The following FGGY variants were observed in gnomAD, a reference collection of about 807,000 sequenced individuals.
FGGY encodes the protein FGGY carbohydrate kinase domain-containing protein.
FGGY carries 72 observed loss-of-function variants against 71.3 expected under a neutral mutation model. That is an observed-to-expected ratio of 1.01 (90% CI 0.84 to 1.23). FGGY has a LOEUF of 1.23. FGGY is among the 50% of genes most tolerant of loss of function. The pLI, the probability that FGGY is intolerant of heterozygous loss-of-function variation, is 0.00. For synonymous variants in FGGY, 251 were observed against 250.3 expected (o/e 1.00, Z -0.02); for missense variants, 668 against 682.3 (o/e 0.98, Z 0.23).
intron 5 of FGGY, among the ~76,000 whole-genome samples, chr1:59,420,283 G>A (rs1310618083): frequency 5.3e-5 from 8 of 152,200 alleles, no homozygotes; most frequent in Non-Finnish European, 1.2e-4. Flanking sequence ...CTGGATCAAT[G>A]TCCAGAGGGA....
intron 5 of FGGY, among the ~76,000 whole-genome samples, chr1:59,385,144 T>G (rs746830869): frequency 2.2e-4 from 34 of 152,028 alleles, no homozygotes; most frequent in Non-Finnish European, 3.7e-4. Context: ...CTCCTCCCCT[T>G]TCTCTCTTCC....
intron 5 of FGGY, among the ~76,000 whole-genome samples, chr1:59,455,857 T>A (rs1051399206): frequency 1.3e-5 from 2 of 152,148 alleles, no homozygotes; most frequent in Non-Finnish European, 2.9e-5. Context: ...CAGATGGGGG[T>A]AGGGCAAAGG....
chr1:59,610,548 G>T (rs187150280), intron 9 of FGGY, among the ~76,000 whole-genome samples: 1 of 152,316 alleles, frequency 6.6e-6, no homozygotes, highest in Non-Finnish European at 1.5e-5. Context: ...CAAGATGGCC[G>T]AATAGGAACA....
At chr1:59,450,511 C>G (rs1481060304) in intron 5 of FGGY, among the ~76,000 whole-genome samples, 1 of 152,070 alleles carries the variant, frequency 6.6e-6, no homozygotes, top group Non-Finnish European at 1.5e-5. Flanking sequence ...TTCTCCTTCT[C>G]CCTCCTCCTA....
intron 6 of FGGY, among the ~76,000 whole-genome samples, chr1:59,483,481 T>C (rs995084110): frequency 6.6e-6 from 1 of 152,186 alleles, no homozygotes; most frequent in Non-Finnish European, 1.5e-5. Flanking sequence ...AAAATACTTC[T>C]CTAGGATTTG....
intron 9 of FGGY, among the ~76,000 whole-genome samples, chr1:59,609,047 A>G (rs940281041): frequency 1.3e-5 from 2 of 152,186 alleles, no homozygotes; most frequent in Non-Finnish European, 2.9e-5. Context: ...TACAGGGGAG[A>G]AGGCATTGGT....
At position 59,321,610 on chromosome 1, in the gene FGGY, A is replaced by C. The variant is rs767618630; in HGVS notation, c.61A>C (p.Ser21Arg). 6.2e-7 allele frequency: 1 copy of C among 1,613,956 alleles called. No homozygotes were observed. Among genetic ancestry groups the C allele is most frequent in the East Asian group, 2.2e-5 (1 of 44,886 alleles). Residue 21 changes from serine (S) to arginine (R), a missense_variant, in exon 2 of 16, where the codon AGT (serine) becomes CGT (arginine). Ser to Arg is a moderately radical substitution (Grantham distance 110). Coordinates refer to ENST00000303721, the MANE Select transcript of FGGY (RefSeq NM_018291.5). The stretch of plus-strand genomic sequence containing the variant: ...TGTGGGTGTGGACGTTGGAACAGGC[A>C]GTGTCCGTGCAGCTCTGGTGGACCA... ...YYVGVDVGTG[S>R]VRAALVDQSG...
chr1:59,378,030 G>A (rs1187254359), intron 4 of FGGY, among the ~76,000 whole-genome samples: 1 of 152,020 alleles, frequency 6.6e-6, no homozygotes, highest in Non-Finnish European at 1.5e-5. Flanking sequence ...ATATGGCAGG[G>A]GACATTTAGT....
intron 6 of FGGY, among the ~76,000 whole-genome samples, chr1:59,499,219 G>A (rs2094141198): frequency 6.7e-6 from 1 of 149,700 alleles, no homozygotes; most frequent in Admixed American, 6.7e-5. Context: ...GTTCCCCCTT[G>A]TCCATGGAAA....
chr1:59,662,319 CAAA>C (rs372754171), intron 12 of FGGY, among the ~76,000 whole-genome samples: 5 of 101,102 alleles, frequency 4.9e-5, no homozygotes, highest in Admixed American at 9.5e-5. Flanking sequence ...GACTCCATCT[CAAA>C]AAAAAAAAAA....
chr1:59,301,838 C>G (rs1370832221), intron 1 of FGGY, among the ~76,000 whole-genome samples: 3 of 150,170 alleles, frequency 2.0e-5, no homozygotes, highest in Admixed American at 6.6e-5. Context: ...CTCAGCTTCC[C>G]GAGCAGCTGG....
At chr1:59,500,018 A>C (rs116592403) in intron 6 of FGGY, among the ~76,000 whole-genome samples, 257 of 152,260 alleles carry the variant, frequency 1.7e-3, no homozygotes, top group African/African-American at 5.3e-3. Context: ...TGTACTGTCG[A>C]ATTTTGCCTA....
chr1:59,561,238 A>C (rs1437462506), intron 8 of FGGY, among the ~76,000 whole-genome samples: 1 of 152,094 alleles, frequency 6.6e-6, no homozygotes, highest in Non-Finnish European at 1.5e-5. Flanking sequence ...CTAACAATGA[A>C]AGTGCTGAGG....
chr1:59,500,828 G>A (rs1227043735), intron 6 of FGGY, among the ~76,000 whole-genome samples: 5 of 152,134 alleles, frequency 3.3e-5, no homozygotes, highest in African/African-American at 1.2e-4. Flanking sequence ...TTGAGGATAA[G>A]CAATTAATCC....
intron 4 of FGGY, among the ~76,000 whole-genome samples, chr1:59,348,293 C>T (rs1570765886): frequency 6.6e-6 from 1 of 152,162 alleles, no homozygotes; most frequent in Non-Finnish European, 1.5e-5. Flanking sequence ...TTAGCCCCAA[C>T]TTATTAATAT....
intron 11 of FGGY, chr1:59,641,255 AAG>A (rs762767166): frequency 1.9e-6 from 3 of 1,596,186 alleles, no homozygotes; most frequent in Non-Finnish European, 2.6e-6. Context: ...ATAATAAAAA[AAG>A]AAAATTTTCT....
chr1:59,446,344 C>T (rs1386946277), intron 5 of FGGY, among the ~76,000 whole-genome samples: 1 of 152,016 alleles, frequency 6.6e-6, no homozygotes, highest in Non-Finnish European at 1.5e-5. Flanking sequence ...TTGTCATGGC[C>T]ACGTTTGAAT....
intron 11 of FGGY, among the ~76,000 whole-genome samples, chr1:59,648,437 C>T (rs2097121795): frequency 1.5e-5 from 2 of 129,784 alleles, no homozygotes; most frequent in African/African-American, 6.8e-5. Flanking sequence ...TAATGATTGC[C>T]ATTCTAACTG....
intron 10 of FGGY, among the ~76,000 whole-genome samples, chr1:59,628,687 T>TTA (rs2096881508): frequency 2.0e-5 from 3 of 152,204 alleles, no homozygotes; most frequent in Non-Finnish European, 4.4e-5. Context: ...TGATAATGCT[T>TTA]AGTTGTCAGG....
Sources: gnomAD v4.1 joint callset for allele counts (sites outside exome capture counted in the v4.1 genomes callset) on GRCh38, gnomAD v4.1.1 for gene constraint, MANE v1.5 for transcripts, NCBI Gene and HGNC (gene_info 2026-07-23, HGNC 2026-07-21) for gene names.